Variants in TENM2 observed in about 807,000 individuals in gnomAD.
TENM2 encodes teneurin-2.
A neutral mutation model predicts 245.2 loss-of-function variants in TENM2; 52 were observed. That is an observed-to-expected ratio of 0.21 (90% confidence interval 0.17 to 0.27). TENM2 has a LOEUF of 0.27. TENM2 is among the 10% of genes least tolerant of loss of function. TENM2 has a pLI of 1.00. For missense variants in TENM2, 3,046 were observed against 3,666.8 expected, an observed-to-expected ratio of 0.83 and a Z score of 4.37; for synonymous variants, 1,363 against 1,438.9, an observed-to-expected ratio of 0.95 and a Z score of 1.19.
At chr5:167,450,936 G>A (rs116349601) in intron 2 of TENM2, among the ~76,000 whole-genome samples, 21 of 152,030 alleles carry the variant, frequency 1.4e-4, no homozygotes, top group East Asian at 3.9e-4. Flanking sequence ...GTTGATATCC[G>A]TTGTTAATAT....
the TENM2 span, among the ~76,000 whole-genome samples, chr5:167,246,745 G>A: frequency 9.9e-5 from 15 of 151,940 alleles, no homozygotes; most frequent in Admixed American, 7.2e-4. Flanking sequence ...GTGTTTATAT[G>A]TTAGGGGGTA....
At chr5:167,737,729 A>T (rs1051701227) in intron 2 of TENM2, among the ~76,000 whole-genome samples, 4 of 152,210 alleles carry the variant, frequency 2.6e-5, no homozygotes, top group Non-Finnish European at 4.4e-5. Context: ...TTGATGTAGC[A>T]CTGCCTCTGC....
chr5:167,669,556 T>C (rs189879019), intron 2 of TENM2, among the ~76,000 whole-genome samples: 21 of 152,180 alleles, frequency 1.4e-4, no homozygotes, highest in Non-Finnish European at 1.6e-4. Context: ...CATTCACAAA[T>C]ATTATATATT....
At chr5:167,981,838 G>A (rs1026189459) in intron 4 of TENM2, among the ~76,000 whole-genome samples, 2 of 152,054 alleles carry the variant, frequency 1.3e-5, no homozygotes, top group Non-Finnish European at 2.9e-5. Flanking sequence ...GGCAGGCGTG[G>A]TGGCGTGCAC....
chr5:167,517,117 T>A (rs1344264904), intron 2 of TENM2, among the ~76,000 whole-genome samples: 2 of 152,186 alleles, frequency 1.3e-5, no homozygotes, highest in African/African-American at 4.8e-5. Flanking sequence ...GAAATAACTT[T>A]AAAATGTCAC....
chr5:167,635,816 T>C (rs1779172974), intron 2 of TENM2, among the ~76,000 whole-genome samples: 1 of 151,792 alleles, frequency 6.6e-6, no homozygotes, highest in African/African-American at 2.4e-5. Flanking sequence ...AGCTAATTTT[T>C]TGTATTTTTA....
chr5:167,760,610 G>C (rs1459168528), intron 2 of TENM2, among the ~76,000 whole-genome samples: 1 of 152,160 alleles, frequency 6.6e-6, no homozygotes, highest in Non-Finnish European at 1.5e-5. Context: ...AAATAGGTAA[G>C]TGTCAACAAC....
chr5:168,090,783 C>A lies in TENM2; in HGVS notation c.1711+14C>A. The stretch of plus-strand genomic sequence containing the variant: ...CTGTTGTCCTAGGTAGGTGTGGGGT[C>A]TCTGAGATGGTACGCCATGAAGGGA... On this transcript the variant is annotated intron_variant, in intron 8 of 28. Coordinates refer to ENST00000518659, the Ensembl canonical transcript of TENM2. The A allele has an allele frequency of 1.2e-6, 2 of 1,605,186 alleles. No homozygotes were observed. The highest frequency in any genetic ancestry group is 1.1e-5 in the South Asian group (1 of 90,652).
chr5:167,837,053 T>C (rs1324035633), intron 2 of TENM2, among the ~76,000 whole-genome samples: 1 of 134,256 alleles, frequency 7.4e-6, no homozygotes, highest in Non-Finnish European at 1.6e-5. Flanking sequence ...TTATAGTATA[T>C]ATGTATGCCT....
the TENM2 span, among the ~76,000 whole-genome samples, chr5:167,211,526 A>G: frequency 6.6e-6 from 1 of 152,320 alleles, no homozygotes; most frequent in East Asian, 1.9e-4. Flanking sequence ...TATCATTTGC[A>G]ATGCTAAGTT....
At chr5:167,369,749 G>T (rs1279956607) in intron 1 of TENM2, among the ~76,000 whole-genome samples, 1 of 152,158 alleles carries the variant, frequency 6.6e-6, no homozygotes, top group Non-Finnish European at 1.5e-5. Flanking sequence ...TTTAGACAAT[G>T]AAAGTTTTCT....
chr5:168,001,813 CATA>C (rs1185143698), intron 5 of TENM2, among the ~76,000 whole-genome samples: 2 of 152,212 alleles, frequency 1.3e-5, no homozygotes, highest in African/African-American at 2.4e-5. Context: ...ATTGATGCCT[CATA>C]ATAAGATTCT....
At chr5:167,971,133 T>C (rs1277103254) in intron 4 of TENM2, among the ~76,000 whole-genome samples, 1 of 151,852 alleles carries the variant, frequency 6.6e-6, no homozygotes, top group Non-Finnish European at 1.5e-5. Context: ...TCACAGAGCT[T>C]ACCCCAAATA....
intron 5 of TENM2, among the ~76,000 whole-genome samples, chr5:168,025,686 A>T (rs1283164595): frequency 6.6e-6 from 1 of 152,186 alleles, no homozygotes; most frequent in South Asian, 2.1e-4. Flanking sequence ...TGGTTCAGGT[A>T]TGAGATTAGA....
At chr5:168,123,769 G>A (rs906874406) in intron 10 of TENM2, among the ~76,000 whole-genome samples, 1 of 152,188 alleles carries the variant, frequency 6.6e-6, no homozygotes, top group Admixed American at 6.5e-5. Flanking sequence ...TCTGAGCCCT[G>A]TGCTAGACCA....
intron 1 of TENM2, among the ~76,000 whole-genome samples, chr5:167,345,308 G>C (rs148294988): frequency 6.6e-6 from 1 of 152,178 alleles, no homozygotes; most frequent in Admixed American, 6.5e-5. Flanking sequence ...GTGGTTGCAC[G>C]TGTCCATCAG....
At chr5:167,486,435 TCTC>T (rs1256069126) in intron 2 of TENM2, among the ~76,000 whole-genome samples, 2 of 151,808 alleles carry the variant, frequency 1.3e-5, no homozygotes, top group East Asian at 3.9e-4. Flanking sequence ...TTCACGCCAT[TCTC>T]CTGCCTCAGC....
At chr5:167,841,891 T>C (rs1381284866) in intron 2 of TENM2, among the ~76,000 whole-genome samples, 1 of 152,114 alleles carries the variant, frequency 6.6e-6, no homozygotes, top group Non-Finnish European at 1.5e-5. Flanking sequence ...TAAAACTTTT[T>C]ATTAATATGT....
At chr5:167,925,955 G>A (rs1332869993) in intron 3 of TENM2, among the ~76,000 whole-genome samples, 1 of 152,134 alleles carries the variant, frequency 6.6e-6, no homozygotes, top group East Asian at 1.9e-4. Flanking sequence ...GTCCACTTGA[G>A]GGAATAGGGT....
Sources: gnomAD v4.1 joint callset for allele counts (sites outside exome capture counted in the v4.1 genomes callset) on GRCh38, gnomAD v4.1.1 for gene constraint, MANE v1.5 for transcripts, NCBI Gene and HGNC (gene_info 2026-07-23, HGNC 2026-07-21) for gene names.